The following MPZL1 variants were observed in gnomAD, a reference collection of about 807,000 sequenced individuals.
MPZL1 encodes the protein myelin protein zero-like protein 1.
A neutral mutation model predicts 29.3 loss-of-function variants in MPZL1; 16 were observed. That is an observed-to-expected ratio of 0.55 (90% CI 0.37 to 0.83). The LOEUF (loss-of-function observed/expected upper bound fraction) is 0.83. MPZL1 is among the 40% of genes least tolerant of loss of function. MPZL1 has a pLI of 0.00. For missense variants in MPZL1, 279 were observed against 332.9 expected, an observed-to-expected ratio of 0.84 and a Z score of 1.26; for synonymous variants, 143 against 132.0, an observed-to-expected ratio of 1.08 and a Z score of -0.57.
intron 1 of MPZL1, among the ~76,000 whole-genome samples, chr1:167,762,393 T>C (rs1210657236): frequency 6.6e-6 from 1 of 152,212 alleles, no homozygotes; most frequent in African/African-American, 2.4e-5. Flanking sequence ...TTGGGCAGCC[T>C]TCTGAGCCAA....
At chr1:167,728,846 G>C (rs1660209376) in intron 1 of MPZL1, among the ~76,000 whole-genome samples, 1 of 152,140 alleles carries the variant, frequency 6.6e-6, no homozygotes, top group African/African-American at 2.4e-5. Context: ...TATGACTTAA[G>C]TTTTGTTAGG....
At chr1:167,726,432 C>G (rs1392567008) in intron 1 of MPZL1, among the ~76,000 whole-genome samples, 1 of 152,092 alleles carries the variant, frequency 6.6e-6, no homozygotes, top group South Asian at 2.1e-4. Flanking sequence ...TAGAAGTATT[C>G]CTAGTGCTTA....
At chr1:167,738,293 CA>C (rs1236278991) in intron 1 of MPZL1, among the ~76,000 whole-genome samples, 2 of 151,922 alleles carry the variant, frequency 1.3e-5, no homozygotes, top group Non-Finnish European at 2.9e-5. Context: ...TACCAGATTT[CA>C]AGATATTTAG....
intron 1 of MPZL1, among the ~76,000 whole-genome samples, chr1:167,735,897 G>A (rs1253112207): frequency 6.7e-6 from 1 of 149,422 alleles, no homozygotes; most frequent in Non-Finnish European, 1.5e-5. Flanking sequence ...ATCTCAAATT[G>A]TGGTTTCCCA....
chr1:167,765,567 A>G lies in MPZL1; in HGVS notation c.92-16A>G. 1.3e-6 allele frequency: 2 copies of G among 1,597,566 alleles called. No individual in the cohort carries two copies. The highest frequency in any genetic ancestry group is 1.7e-6 in the Non-Finnish European group (2 of 1,172,080). On this transcript the variant is annotated splice_polypyrimidine_tract_variant and intron_variant, in intron 1 of 5. Coordinates refer to ENST00000359523, the MANE Select transcript of MPZL1 (RefSeq NM_003953.6). ...TTAAGTCCTACTTTCAACTACCCTTATTCCTTTCTCTTCAGTGACAGCTGG... is the reference window on the plus strand; with the variant it reads ...TTAAGTCCTACTTTCAACTACCCTTGTTCCTTTCTCTTCAGTGACAGCTGG...
intron 4 of MPZL1, 152 bp downstream of exon 4, chr1:167,773,520 A>C: frequency 1.2e-6 from 1 of 849,834 alleles, no homozygotes; most frequent in Non-Finnish European, 1.7e-6. Flanking sequence ...GTGTTCTAAC[A>C]TGGGCAAGTG....
chr1:167,739,188 C>G (rs1660448934), intron 1 of MPZL1, among the ~76,000 whole-genome samples: 1 of 150,910 alleles, frequency 6.6e-6, no homozygotes, highest in South Asian at 2.1e-4. Flanking sequence ...GGTTATCTGC[C>G]TGCCTTAGCC....
In MPZL1 at chr1:167,791,310, T is replaced by C. The variant is rs1661710458; in HGVS notation, c.*3389T>C. Reference sequence around the variant, plus strand: ...GTGGATGGATGAGTAGGTGGAAGCATTCATCCATTCAGCAACCTACACTGA... The same window carrying C: ...GTGGATGGATGAGTAGGTGGAAGCACTCATCCATTCAGCAACCTACACTGA... On this transcript the variant is annotated 3_prime_UTR_variant, in exon 6 of 6. Transcript: ENST00000359523. 1 of 152,230 alleles carries C rather than the reference T, an allele frequency of 6.6e-6. No homozygotes were observed. The highest frequency in any genetic ancestry group is 1.5e-5 in the Non-Finnish European group (1 of 68,060). 9.4% of individuals were successfully genotyped at this position (152,230 alleles called of 1,614,324 possible).
chr1:167,772,235 C>G (rs751023028), intron 2 of MPZL1, 40 bp from the exon 3 acceptor site: 5 of 1,514,428 alleles, frequency 3.3e-6, no homozygotes, highest in Non-Finnish European at 4.6e-6. Flanking sequence ...GGAATTCTGC[C>G]TTTGAGAATA....
At chr1:167,767,707 G>A (rs1371914577) in intron 2 of MPZL1, among the ~76,000 whole-genome samples, 2 of 150,876 alleles carry the variant, frequency 1.3e-5, no homozygotes, top group East Asian at 1.9e-4. Flanking sequence ...AAGCCATACT[G>A]TGGATGGCTT....
At chr1:167,733,052 G>C (rs138227096) in intron 1 of MPZL1, among the ~76,000 whole-genome samples, 2 of 152,274 alleles carry the variant, frequency 1.3e-5, no homozygotes, top group Non-Finnish European at 2.9e-5. Flanking sequence ...CTGACTTTCT[G>C]TTTTTATGAT....
At chr1:167,771,586 C>T (rs1185589425) in intron 2 of MPZL1, among the ~76,000 whole-genome samples, 3 of 152,162 alleles carry the variant, frequency 2.0e-5, no homozygotes, top group Non-Finnish European at 4.4e-5. Context: ...GGCAGAGGCG[C>T]TCCTCACTTC....
chr1:167,757,093 G>T (rs1660884891), intron 1 of MPZL1, among the ~76,000 whole-genome samples: 1 of 152,290 alleles, frequency 6.6e-6, no homozygotes, highest in East Asian at 1.9e-4. Context: ...CCTACTTTGT[G>T]CCATCCAGCC....
At chr1:167,766,124 CT>C (rs1661110267) in intron 2 of MPZL1, among the ~76,000 whole-genome samples, 1 of 151,980 alleles carries the variant, frequency 6.6e-6, no homozygotes, top group Non-Finnish European at 1.5e-5. Context: ...ATTTGATTAT[CT>C]TTTTTTAATT....
chr1:167,736,820 T>C (rs1660387168), intron 1 of MPZL1, among the ~76,000 whole-genome samples: 1 of 152,114 alleles, frequency 6.6e-6, no homozygotes. Context: ...GCCAGAGGGA[T>C]CTCTCTCTTG....
chr1:167,725,440 A>AT (rs1660123548), intron 1 of MPZL1, among the ~76,000 whole-genome samples: 1 of 152,022 alleles, frequency 6.6e-6, no homozygotes, highest in African/African-American at 2.4e-5. Context: ...ATGCACCACC[A>AT]TGCCTGGCTA....
chr1:167,778,655 G>A lies in MPZL1; in HGVS notation c.708+2489G>A, dbSNP rs576685536. On this transcript the variant is annotated intron_variant, in intron 5 of 5. Coordinates refer to ENST00000359523, the MANE Select transcript of MPZL1 (RefSeq NM_003953.6). ...AAACAAATTCAGAATGGATGGAAAT[G>A]ATGGGATTCATAAACAAAGACCTTA... is the stretch of plus-strand genomic sequence containing the variant. Among the ~76,000 whole-genome samples, 5 of 152,084 alleles carry A rather than the reference G, an allele frequency of 3.3e-5. No homozygotes were observed. The South Asian group carries it at 1.0e-3, about 32-fold the overall frequency.
intron 1 of MPZL1, among the ~76,000 whole-genome samples, chr1:167,763,246 G>A (rs1270531905): frequency 6.6e-6 from 1 of 152,168 alleles, no homozygotes; most frequent in Non-Finnish European, 1.5e-5. Context: ...TGGGTGCGGT[G>A]GCTCACGCCT....
chr1:167,779,855 A>G (rs1180966215), intron 5 of MPZL1, among the ~76,000 whole-genome samples: 1 of 152,240 alleles, frequency 6.6e-6, no homozygotes, highest in Non-Finnish European at 1.5e-5. Flanking sequence ...CCGAATGGCA[A>G]TACTGATAAG....
Sources: gnomAD v4.1 joint callset for allele counts (sites outside exome capture counted in the v4.1 genomes callset) on GRCh38, gnomAD v4.1.1 for gene constraint, MANE v1.5 for transcripts, NCBI Gene and HGNC (gene_info 2026-07-23, HGNC 2026-07-21) for gene names.